Variants in NRXN1 observed in about 807,000 individuals in gnomAD.
NRXN1 encodes the protein neurexin-1.
In NRXN1, 39 loss-of-function variants were observed where a neutral mutation model predicts 150.9. That is an observed-to-expected ratio of 0.26 (90% confidence interval 0.20 to 0.34). The LOEUF (loss-of-function observed/expected upper bound fraction) is 0.34, where lower values mean the gene tolerates loss of function less well. NRXN1 is among the 10% of genes least tolerant of loss of function. The pLI, the probability that NRXN1 is intolerant of heterozygous loss-of-function variation, is 1.00. For missense variants in NRXN1, 1,815 were observed against 1,949.9 expected (o/e 0.93, Z 1.30); for synonymous variants, 924 against 757.0 (o/e 1.22, Z -3.62).
chr2:50,616,903 C>T (rs1435291021), intron 8 of NRXN1, among the ~76,000 whole-genome samples: 2 of 152,130 alleles, frequency 1.3e-5, no homozygotes, highest in Non-Finnish European at 2.9e-5. Context: ...ACCAGGAAGT[C>T]CAAGCTAGAG....
chr2:50,394,542 G>A (rs149128650), intron 17 of NRXN1, among the ~76,000 whole-genome samples: 2 of 152,074 alleles, frequency 1.3e-5, no homozygotes, highest in African/African-American at 4.8e-5. Flanking sequence ...ATGCATGTGG[G>A]ATTTTACCAC....
intron 5 of NRXN1, among the ~76,000 whole-genome samples, chr2:50,813,492 T>C (rs1668512185): frequency 6.6e-6 from 1 of 152,164 alleles, no homozygotes; most frequent in Non-Finnish European, 1.5e-5. Context: ...CTTTTATAAG[T>C]AAAAATCGTT....
chr2:50,486,355 A>G (rs751466682), intron 15 of NRXN1, among the ~76,000 whole-genome samples: 3 of 152,170 alleles, frequency 2.0e-5, no homozygotes, highest in African/African-American at 4.8e-5. Context: ...TTTTCTCACG[A>G]AAACACTCAG....
intron 5 of NRXN1, among the ~76,000 whole-genome samples, chr2:50,855,047 C>A (rs1316100545): frequency 6.6e-6 from 1 of 151,920 alleles, no homozygotes; most frequent in Non-Finnish European, 1.5e-5. Context: ...GGAGTACCTT[C>A]TCTAGACACA....
chr2:50,510,592 G>A (rs1182234542), intron 12 of NRXN1, among the ~76,000 whole-genome samples: 1 of 151,524 alleles, frequency 6.6e-6, no homozygotes, highest in African/African-American at 2.4e-5. Flanking sequence ...ATGTTTTGTA[G>A]GGAGTTTTGA....
At chr2:50,141,377 A>G (rs1233317629) in intron 18 of NRXN1, among the ~76,000 whole-genome samples, 2 of 152,124 alleles carry the variant, frequency 1.3e-5, no homozygotes, top group Non-Finnish European at 2.9e-5. Context: ...CATAGGGAAA[A>G]CACTCTAAGA....
rs553873637 is a variant in NRXN1, at chr2:50,847,662, G to GAGCA, written c.832+74203_832+74206dup. On this transcript the variant is annotated intron_variant, in intron 5 of 22. Transcript: ENST00000401669. ...CACAGAAGCGGCTGGATACCCTGAG[G>GAGCA]AGCACATCAGCAGAAGACGACACAA... 1.5e-4 allele frequency among the ~76,000 whole-genome samples: 23 copies of GAGCA among 152,282 alleles called. No individual in the cohort carries two copies. The East Asian group carries it at 4.1e-3, about 27-fold the overall frequency.
At chr2:50,762,892 T>C (rs1173487924) in intron 5 of NRXN1, among the ~76,000 whole-genome samples, 9 of 151,970 alleles carry the variant, frequency 5.9e-5, no homozygotes, top group Admixed American at 5.9e-4. Context: ...CAGCCAGCCC[T>C]GCACGATTAC....
chr2:50,344,235 A>G (rs923961375), intron 17 of NRXN1, among the ~76,000 whole-genome samples: 1 of 152,088 alleles, frequency 6.6e-6, no homozygotes, highest in African/African-American at 2.4e-5. Flanking sequence ...CCCCACCCTG[A>G]GAGGCTTATT....
intron 5 of NRXN1, among the ~76,000 whole-genome samples, chr2:50,670,131 C>T (rs138745451): frequency 4.0e-5 from 6 of 151,732 alleles, no homozygotes; most frequent in Admixed American, 2.0e-4. Context: ...ATCTTAAGAG[C>T]GTTGCACTAT....
chr2:50,282,003 C>T (rs950925852), intron 17 of NRXN1, among the ~76,000 whole-genome samples: 1 of 152,104 alleles, frequency 6.6e-6, no homozygotes, highest in Admixed American at 6.5e-5. Context: ...TTAGTCATTT[C>T]CCAAAAGCAA....
chr2:50,905,979 A>C (rs1683612775), intron 5 of NRXN1, among the ~76,000 whole-genome samples: 2 of 152,206 alleles, frequency 1.3e-5, no homozygotes, highest in South Asian at 4.1e-4. Flanking sequence ...AAGTTTATTA[A>C]GACAAATTTT....
chr2:50,091,371 C>T lies in NRXN1; in HGVS notation c.3670G>A (p.Ala1224Thr). The change falls in exon 19 of 23, where the codon GCC becomes ACC. Residue 1224 changes from alanine to threonine, a missense_variant. This residue lies in a region of NRXN1 where 339 missense variants were observed against 440.3 expected (regional missense o/e 0.77). Coordinates refer to ENST00000401669, the MANE Select transcript of NRXN1 (RefSeq NM_001330078.2). The part of the protein sequence containing the change: ...VVRFTRSGGN[A>T]TLQVDSWPVI... ...GGCCAGCTGTCCACCTGCAACGTGG[C>T]ATTGCCACCACTCCTCGTGAAACGA... 6.2e-7 allele frequency: 1 copy of T among 1,614,228 alleles called. No individual in the cohort carries two copies. Among genetic ancestry groups the T allele is most frequent in the East Asian group, 2.2e-5 (1 of 44,876 alleles).
In NRXN1 at chr2:50,816,177, CAA is replaced by C. The variant is rs555910146; in HGVS notation, c.832+105690_832+105691del. Among the ~76,000 whole-genome samples, 39 of 152,156 alleles carry C rather than the reference CAA, an allele frequency of 2.6e-4. 1 individual carries two copies. In the South Asian group the frequency reaches 8.1e-3, roughly 32 times the overall value. On this transcript the variant is annotated intron_variant, in intron 5 of 22. Transcript: ENST00000401669. ...TGTTAAATTGTCTATAATAATGAGTCAAAGTCATATTAGAAAATATTAGTACT... is the reference window on the plus strand; with the variant it reads ...TGTTAAATTGTCTATAATAATGAGTCAGTCATATTAGAAAATATTAGTACT...
chr2:50,621,422 T>C (rs528128051), intron 6 of NRXN1, among the ~76,000 whole-genome samples, 173 bp from the exon 7 acceptor site: 31 of 152,130 alleles, frequency 2.0e-4, no homozygotes, highest in South Asian at 8.3e-4. Flanking sequence ...GTTAGTAACA[T>C]AGAAAAAGGG....
intron 18 of NRXN1, among the ~76,000 whole-genome samples, chr2:50,186,206 C>A (rs2061059856): frequency 6.6e-6 from 1 of 152,126 alleles, no homozygotes; most frequent in Non-Finnish European, 1.5e-5. Flanking sequence ...TTTCTGATAA[C>A]AATACCATCC....
intron 5 of NRXN1, among the ~76,000 whole-genome samples, chr2:50,796,675 T>C (rs1021076767): frequency 1.3e-5 from 2 of 152,180 alleles, no homozygotes; most frequent in Non-Finnish European, 2.9e-5. Flanking sequence ...TATTTAAAAG[T>C]TGCTAATCAG....
At chr2:50,003,855 C>T (rs1007877064) in intron 21 of NRXN1, among the ~76,000 whole-genome samples, 3 of 152,090 alleles carry the variant, frequency 2.0e-5, no homozygotes, top group Non-Finnish European at 2.9e-5. Context: ...TACATACTTT[C>T]ATGTCATTCC....
At chr2:50,252,499 T>C (rs2067223284) in intron 17 of NRXN1, among the ~76,000 whole-genome samples, 1 of 152,076 alleles carries the variant, frequency 6.6e-6, no homozygotes, top group Non-Finnish European at 1.5e-5. Flanking sequence ...CCTCAGGTGA[T>C]CCACCCACCT....
Sources: allele counts gnomAD v4.1 joint callset (sites outside exome capture counted in the v4.1 genomes callset), GRCh38; gene constraint gnomAD v4.1.1; regional missense constraint gnomAD v4.1.1; transcripts MANE v1.5; gene names NCBI Gene and HGNC (gene_info 2026-07-23, HGNC 2026-07-21).